The following MEGF11 variants were observed in gnomAD, a reference collection of about 807,000 sequenced individuals.
MEGF11 encodes multiple epidermal growth factor-like domains protein 11.
A neutral mutation model predicts 146.6 loss-of-function variants in MEGF11; 126 were observed. The observed-to-expected ratio is 0.86, with a 90% confidence interval of 0.74 to 1.00. The LOEUF (loss-of-function observed/expected upper bound fraction) is 1.00. Ranked by LOEUF, MEGF11 falls within the 50% of genes least tolerant of loss-of-function variation. The pLI, the probability that MEGF11 is intolerant of heterozygous loss-of-function variation, is 0.00. For missense variants in MEGF11, 1,509 were observed against 1,521.2 expected (o/e 0.99, Z 0.13); for synonymous variants, 532 against 583.4 (o/e 0.91, Z 1.27).
At chr15:66,028,997 CAAGGA>C (rs1305641085) in intron 5 of MEGF11, among the ~76,000 whole-genome samples, 7 of 152,242 alleles carry the variant, frequency 4.6e-5, no homozygotes, top group South Asian at 2.1e-4. Context: ...CAAATGACTA[CAAGGA>C]GAGAGAGGAG....
intron 1 of MEGF11, among the ~76,000 whole-genome samples, chr15:66,190,467 A>C (rs1373134345): frequency 6.6e-6 from 1 of 152,128 alleles, no homozygotes; most frequent in Non-Finnish European, 1.5e-5. Context: ...CTTTGTGACC[A>C]AGGAAGGAAA....
chr15:65,955,551 A>C (rs2141473692), intron 10 of MEGF11, among the ~76,000 whole-genome samples: 2 of 149,414 alleles, frequency 1.3e-5, no homozygotes, highest in South Asian at 4.2e-4. Context: ...CAAGATCAGC[A>C]TGGCCAACAT....
At chr15:66,185,955 T>C (rs2090686463) in intron 1 of MEGF11, among the ~76,000 whole-genome samples, 1 of 152,222 alleles carries the variant, frequency 6.6e-6, no homozygotes, top group Admixed American at 6.5e-5. Flanking sequence ...CTCTGTGCCA[T>C]AGCATTTGCT....
chr15:65,898,027 G>A lies in MEGF11; in HGVS notation c.3330C>T (p.Asp1110=), dbSNP rs560626804. Residue 1110 remains aspartate, a synonymous_variant, in exon 26 of 26, where the codon GAC becomes GAT. Coordinates refer to ENST00000395614, the MANE Select transcript of MEGF11 (RefSeq NM_001385028.1). ...HNSSYIQNAY[D]LPRNSHIPGH... The stretch of plus-strand genomic sequence containing the variant: ...CAGGAATATGGCTGTTCCTAGGTAG[G>A]TCGTATGCATTCTGGATATAGCTGG... 6.2e-7 allele frequency: 1 copy of A among 1,613,974 alleles called. No individual in the cohort carries two copies. The highest frequency in any genetic ancestry group is 2.2e-5 in the East Asian group (1 of 44,884).
chr15:66,079,834 G>C (rs1488035490), intron 5 of MEGF11, among the ~76,000 whole-genome samples: 1 of 152,166 alleles, frequency 6.6e-6, no homozygotes, highest in African/African-American at 2.4e-5. Context: ...CCTTTGAGCT[G>C]GTGTTCTGGG....
At chr15:66,002,453 A>G (rs1183502346) in intron 5 of MEGF11, among the ~76,000 whole-genome samples, 1 of 152,172 alleles carries the variant, frequency 6.6e-6, no homozygotes, top group Non-Finnish European at 1.5e-5. Context: ...GGAAATCACT[A>G]CTGTGGGGGC....
At position 66,080,400 on chromosome 15, in the gene MEGF11, CCCTCCCATGA is replaced by C. The variant is rs1345157345; in HGVS notation, c.394+13992_394+14001del. ...CACACCTGGCTCCTGCCTTCCACTG[CCCTCCCATGA>C]TGGCCTCGCCATCCAGGTCCCCCTC... On this transcript the variant is annotated intron_variant, in intron 5 of 25. Coordinates refer to ENST00000395614, the MANE Select transcript of MEGF11 (RefSeq NM_001385028.1). 8.1e-4 allele frequency among the ~76,000 whole-genome samples: 123 copies of C among 152,320 alleles called. No homozygotes were observed. In the East Asian group the frequency reaches 0.019, roughly 24 times the overall value.
chr15:66,005,854 G>A (rs556610660), intron 5 of MEGF11, among the ~76,000 whole-genome samples: 33 of 152,292 alleles, frequency 2.2e-4, no homozygotes, highest in African/African-American at 7.2e-4. Flanking sequence ...ACATGTACAC[G>A]CAGTGAAGAG....
intron 4 of MEGF11, among the ~76,000 whole-genome samples, chr15:66,097,473 T>C (rs2086603126): frequency 1.3e-5 from 2 of 152,152 alleles, no homozygotes; most frequent in African/African-American, 4.8e-5. Context: ...AGGGGTTGGG[T>C]TAGGGTGCTG....
intron 4 of MEGF11, among the ~76,000 whole-genome samples, chr15:66,100,044 C>G (rs576472748): frequency 6.6e-6 from 1 of 152,126 alleles, no homozygotes; most frequent in Non-Finnish European, 1.5e-5. Flanking sequence ...CACCTTCAGG[C>G]GCTTTGTCTC....
intron 5 of MEGF11, among the ~76,000 whole-genome samples, chr15:66,041,594 A>G (rs747151709): frequency 2.0e-5 from 3 of 152,248 alleles, no homozygotes; most frequent in African/African-American, 4.8e-5. Context: ...ATAAGGCTTT[A>G]TGAATCACAG....
chr15:66,088,432 C>T (rs923782919), intron 5 of MEGF11, among the ~76,000 whole-genome samples: 1 of 152,170 alleles, frequency 6.6e-6, no homozygotes, highest in Non-Finnish European at 1.5e-5. Flanking sequence ...TGAGTGGATC[C>T]CTTCAGGTCA....
intron 1 of MEGF11, among the ~76,000 whole-genome samples, chr15:66,165,204 G>A (rs2090064209): frequency 6.6e-6 from 1 of 152,190 alleles, no homozygotes; most frequent in Non-Finnish European, 1.5e-5. Flanking sequence ...CTTGGCATCT[G>A]GCAGGCACGG....
In MEGF11 at chr15:65,974,547, C is replaced by T. The variant is rs141744164; in HGVS notation, c.763-3858G>A. The stretch of plus-strand genomic sequence containing the variant: ...GCAGGTGCCTGTAATCCCAGCTACT[C>T]GGGAGGCTGAGGCAGGACAATCACT... On this transcript the variant is annotated intron_variant, in intron 7 of 25. Coordinates refer to ENST00000395614, the MANE Select transcript of MEGF11 (RefSeq NM_001385028.1). 7.5e-3 allele frequency among the ~76,000 whole-genome samples: 1,134 copies of T among 152,140 alleles called. 19 individuals carry two copies. The highest frequency in any genetic ancestry group is 0.026 in the African/African-American group (1,079 of 41,510).
At chr15:66,212,265 C>T (rs1046133667) in intron 1 of MEGF11, among the ~76,000 whole-genome samples, 1 of 152,122 alleles carries the variant, frequency 6.6e-6, no homozygotes, top group African/African-American at 2.4e-5. Context: ...TGGCGGACCC[C>T]TCTCACACAC....
intron 10 of MEGF11, among the ~76,000 whole-genome samples, chr15:65,942,685 C>A (rs1030193387): frequency 2.0e-5 from 3 of 152,094 alleles, no homozygotes; most frequent in Non-Finnish European, 2.9e-5. Flanking sequence ...GGCCTCATCT[C>A]TCCCTGCTTC....
intron 5 of MEGF11, among the ~76,000 whole-genome samples, chr15:65,994,550 G>A (rs961703262): frequency 1.6e-4 from 24 of 152,210 alleles, no homozygotes; most frequent in African/African-American, 5.5e-4. Context: ...GTGTTGAAGC[G>A]ACTCCAGCAG....
chr15:66,234,942 G>C (rs912627280), intron 1 of MEGF11, among the ~76,000 whole-genome samples: 1 of 152,148 alleles, frequency 6.6e-6, no homozygotes, highest in Non-Finnish European at 1.5e-5. Flanking sequence ...CCCACCTTCG[G>C]AACTCAGGGT....
chr15:66,211,682 C>A (rs980897271), intron 1 of MEGF11, among the ~76,000 whole-genome samples: 15 of 151,622 alleles, frequency 9.9e-5, no homozygotes, highest in Admixed American at 9.2e-4. Context: ...TCTGATTGGT[C>A]GGTGCTATGA....
Sources: gnomAD v4.1 joint callset for allele counts (sites outside exome capture counted in the v4.1 genomes callset) on GRCh38, gnomAD v4.1.1 for gene constraint, MANE v1.5 for transcripts, NCBI Gene and HGNC (gene_info 2026-07-23, HGNC 2026-07-21) for gene names.